SASH1: variants seen among roughly 807,000 people sequenced by gnomAD.
SASH1 encodes the protein SAM and SH3 domain-containing protein 1.
Under a neutral mutation model 125.2 loss-of-function variants are expected in SASH1, and 44 were observed. That is an observed-to-expected ratio of 0.35 (90% CI 0.28 to 0.45). The LOEUF (loss-of-function observed/expected upper bound fraction) is 0.45. Among genes scored for constraint, SASH1 ranks in the 20% least tolerant of loss-of-function variants. The pLI is 1.00. For synonymous variants in SASH1, 639 were observed against 649.1 expected (o/e 0.98, Z 0.24); for missense variants, 1,426 against 1,614.5 (o/e 0.88, Z 2.00).
intron 1 of SASH1, among the ~76,000 whole-genome samples, chr6:148,312,290 C>T (rs1780352099): frequency 6.6e-6 from 1 of 152,130 alleles, no homozygotes; most frequent in Admixed American, 6.6e-5. Flanking sequence ...ATTATACCTC[C>T]ATAAGCCTGA....
At chr6:148,318,586 T>C (rs1264208568) in intron 1 of SASH1, among the ~76,000 whole-genome samples, 1 of 150,230 alleles carries the variant, frequency 6.7e-6, no homozygotes, top group Admixed American at 6.7e-5. Flanking sequence ...GGCGTCTCTT[T>C]CTGTCGCCGA....
intron 4 of SASH1, among the ~76,000 whole-genome samples, chr6:148,448,032 G>T (rs552047533): frequency 6.6e-6 from 1 of 151,826 alleles, no homozygotes; most frequent in Non-Finnish European, 1.5e-5. Context: ...GAATTCTCCC[G>T]TAATCCACAG....
At chr6:148,476,637 G>A (rs1335134562) in intron 7 of SASH1, among the ~76,000 whole-genome samples, 1 of 152,136 alleles carries the variant, frequency 6.6e-6, no homozygotes, top group Non-Finnish European at 1.5e-5. Flanking sequence ...CCAAGATCAT[G>A]CCGTTGAACT....
At chr6:148,454,072 C>T (rs1777225630) in intron 4 of SASH1, among the ~76,000 whole-genome samples, 1 of 152,086 alleles carries the variant, frequency 6.6e-6, no homozygotes, top group South Asian at 2.1e-4. Flanking sequence ...CAAAGTCCAC[C>T]CTGCCAGGGT....
chr6:148,357,671 G>A (rs531379652), intron 1 of SASH1, among the ~76,000 whole-genome samples: 16 of 152,260 alleles, frequency 1.1e-4, no homozygotes, highest in Admixed American at 2.0e-4. Flanking sequence ...ACAGGCTCCA[G>A]AACAGCACCC....
intron 6 of SASH1, among the ~76,000 whole-genome samples, chr6:148,473,280 T>G (rs1778195728): frequency 6.6e-6 from 1 of 152,168 alleles, no homozygotes; most frequent in Non-Finnish European, 1.5e-5. Flanking sequence ...TCAGATGGAG[T>G]CTTGCTCTGT....
intron 4 of SASH1, among the ~76,000 whole-genome samples, chr6:148,459,814 G>A (rs1777535306): frequency 6.6e-6 from 1 of 152,196 alleles, no homozygotes; most frequent in African/African-American, 2.4e-5. Context: ...AAAATTCTAT[G>A]TGATCGGTAA....
chr6:148,209,641 A>G, the SASH1 span, among the ~76,000 whole-genome samples: 1 of 152,006 alleles, frequency 6.6e-6, no homozygotes, highest in Non-Finnish European at 1.5e-5. Context: ...TCTATATCTC[A>G]AGCCTCCGGA....
chr6:148,198,158 T>C, the SASH1 span, among the ~76,000 whole-genome samples: 4 of 152,176 alleles, frequency 2.6e-5, no homozygotes, highest in Admixed American at 2.0e-4. Flanking sequence ...CTGATGGTTT[T>C]ATAGGGCATT....
the SASH1 span, among the ~76,000 whole-genome samples, chr6:148,247,194 G>A: frequency 1.3e-5 from 2 of 152,168 alleles, no homozygotes. Context: ...ATAACTAATA[G>A]TAAACTAGAA....
At chr6:148,297,135 G>C (rs1779786299) in intron 1 of SASH1, among the ~76,000 whole-genome samples, 1 of 152,190 alleles carries the variant, frequency 6.6e-6, no homozygotes, top group Non-Finnish European at 1.5e-5. Context: ...TGTGAACTAT[G>C]GTTCATTCAG....
intron 2 of SASH1, among the ~76,000 whole-genome samples, chr6:148,419,580 CT>C (rs1784968457): frequency 6.6e-6 from 1 of 152,178 alleles, no homozygotes; most frequent in Admixed American, 6.5e-5. Flanking sequence ...GCCGTCCGCC[CT>C]CCTGTCCTGT....
intron 10 of SASH1, chr6:148,524,428 A>C (rs1781013798): frequency 6.6e-6 from 1 of 152,112 alleles, no homozygotes; most frequent in Non-Finnish European, 1.5e-5. Context: ...CTTTTACTAG[A>C]AAAACAACAG....
At chr6:148,537,796 GTGTGTGTGTGTGTGTGT>G (rs889494846) in intron 16 of SASH1, among the ~76,000 whole-genome samples, 1 of 111,208 alleles carries the variant, frequency 9.0e-6, no homozygotes, top group Non-Finnish European at 1.9e-5. Context: ...GTGTGTGTGT[GTGTGTGTGTGTGTGTGT>G]GTGTGTGTGT....
chr6:148,311,251 C>T (rs923030159), intron 1 of SASH1, among the ~76,000 whole-genome samples: 6 of 151,870 alleles, frequency 4.0e-5, no homozygotes, highest in Admixed American at 6.6e-5. Context: ...GGATTACAGG[C>T]GCCTGCCACT....
At chr6:148,288,690 TACACACACACAC>T (rs10606943) in intron 1 of SASH1, among the ~76,000 whole-genome samples, 1 of 150,838 alleles carries the variant, frequency 6.6e-6, no homozygotes, top group Non-Finnish European at 1.5e-5. Context: ...CACGTGTATG[TACACACACACAC>T]ACACACACAC....
At chr6:148,455,017 T>G (rs1777270392) in intron 4 of SASH1, among the ~76,000 whole-genome samples, 1 of 152,240 alleles carries the variant, frequency 6.6e-6, no homozygotes, top group African/African-American at 2.4e-5. Context: ...TGTATTCTTT[T>G]CTGAACACCT....
At chr6:148,534,607 C>A in intron 15 of SASH1, 144 bp from the exon 16 acceptor site, 1 of 794,990 alleles carries the variant, frequency 1.3e-6, no homozygotes, top group Non-Finnish European at 2.2e-6. Context: ...TGTACAGGAT[C>A]CATTGCAAAT....
intron 8 of SASH1, among the ~76,000 whole-genome samples, chr6:148,494,567 C>G (rs978709063): frequency 4.6e-5 from 7 of 152,074 alleles, no homozygotes; most frequent in African/African-American, 1.7e-4. Context: ...GTAGAGGTTG[C>G]AGTGAGCCGA....
Sources: allele counts gnomAD v4.1 joint callset (sites outside exome capture counted in the v4.1 genomes callset), GRCh38; gene constraint gnomAD v4.1.1; transcripts MANE v1.5; gene names NCBI Gene and HGNC (gene_info 2026-07-23, HGNC 2026-07-21).